HMGCLL1: variants seen among roughly 807,000 people sequenced by gnomAD.
HMGCLL1 encodes the protein 3-hydroxy-3-methylglutaryl-CoA lyase like 1, also known as 3-hydroxymethyl-3-methylglutaryl-CoA lyase, cytoplasmic.
A neutral mutation model predicts 39.1 loss-of-function variants in HMGCLL1; 36 were observed. The ratio of observed to expected loss-of-function variants is 0.92; its 90% CI spans 0.71 to 1.22. The LOEUF is 1.22. Ranked by LOEUF, HMGCLL1 falls within the 50% of genes most tolerant of loss-of-function variation. HMGCLL1 has a pLI of 0.00. For synonymous variants in HMGCLL1, 149 were observed against 144.0 expected (o/e 1.03, Z -0.25); for missense variants, 451 against 416.5 (o/e 1.08, Z -0.72).
At chr6:55,566,639 G>C (rs1281787967) in intron 1 of HMGCLL1, 1 of 455,946 alleles carries the variant, frequency 2.2e-6, no homozygotes, top group Non-Finnish European at 4.4e-6. Context: ...CTGTAAAATA[G>C]AGTCATGTGA....
chr6:55,559,139 G>A (rs1431970695), intron 1 of HMGCLL1, among the ~76,000 whole-genome samples: 1 of 152,118 alleles, frequency 6.6e-6, no homozygotes, highest in Non-Finnish European at 1.5e-5. Context: ...CAGGAGGAGA[G>A]TTATTGAAAT....
chr6:55,496,470 G>A (rs1259405859), intron 6 of HMGCLL1, among the ~76,000 whole-genome samples: 3 of 152,078 alleles, frequency 2.0e-5, no homozygotes, highest in Non-Finnish European at 2.9e-5. Flanking sequence ...GCCACCTCCT[G>A]TTGCTATTCC....
the HMGCLL1 span, among the ~76,000 whole-genome samples, chr6:55,668,899 A>T: frequency 6.6e-6 from 1 of 151,692 alleles, no homozygotes; most frequent in Non-Finnish European, 1.5e-5. Context: ...AGGGTATACA[A>T]CTCCAGGGAG....
chr6:55,651,464 A>T, the HMGCLL1 span, among the ~76,000 whole-genome samples: 1 of 152,128 alleles, frequency 6.6e-6, no homozygotes, highest in Non-Finnish European at 1.5e-5. Flanking sequence ...AAGATACAAG[A>T]CAAAGTCCTC....
At chr6:55,514,377 G>A (rs968276092) in intron 4 of HMGCLL1, among the ~76,000 whole-genome samples, 181 bp from the exon 5 acceptor site, 22 of 152,050 alleles carry the variant, frequency 1.4e-4, no homozygotes, top group African/African-American at 5.1e-4. Flanking sequence ...AAAATATTTT[G>A]TAATAACAGA....
the HMGCLL1 span, among the ~76,000 whole-genome samples, chr6:55,612,105 A>G: frequency 6.6e-6 from 1 of 152,196 alleles, no homozygotes; most frequent in Non-Finnish European, 1.5e-5. Context: ...GCAAAGTCTC[A>G]GGATAAGAAA....
intron 7 of HMGCLL1, among the ~76,000 whole-genome samples, chr6:55,469,627 T>G (rs1293680890): frequency 6.6e-6 from 1 of 151,036 alleles, no homozygotes; most frequent in Non-Finnish European, 1.5e-5. Context: ...GAAGAGAGGA[T>G]GAGGAAAGAG....
At chr6:55,643,730 T>C in the HMGCLL1 span, among the ~76,000 whole-genome samples, 1 of 152,142 alleles carries the variant, frequency 6.6e-6, no homozygotes, top group East Asian at 1.9e-4. Flanking sequence ...TGTGCCTGGC[T>C]TATTTCACTT....
chr6:55,489,325 G>A (rs578188798), intron 7 of HMGCLL1, among the ~76,000 whole-genome samples: 3 of 151,858 alleles, frequency 2.0e-5, no homozygotes, highest in Non-Finnish European at 2.9e-5. Flanking sequence ...TTGAAAACAA[G>A]ATTAATAAGA....
intron 5 of HMGCLL1, among the ~76,000 whole-genome samples, chr6:55,503,024 G>A (rs1007538064): frequency 4.6e-5 from 7 of 151,418 alleles, no homozygotes; most frequent in African/African-American, 1.7e-4. Flanking sequence ...AAGTTAGCTT[G>A]TTTTCTCATG....
chr6:55,492,474 G>A (rs1766366193), intron 7 of HMGCLL1, among the ~76,000 whole-genome samples: 1 of 152,188 alleles, frequency 6.6e-6, no homozygotes, highest in East Asian at 1.9e-4. Flanking sequence ...AGTACCACAT[G>A]TGGCTGTTTT....
the HMGCLL1 span, among the ~76,000 whole-genome samples, chr6:55,626,765 TG>T: frequency 1.3e-5 from 2 of 152,010 alleles, no homozygotes; most frequent in Non-Finnish European, 2.9e-5. Flanking sequence ...AAGTTAAGAT[TG>T]CCACCTGGAC....
chr6:55,494,256 T>C (rs1014141783), intron 7 of HMGCLL1, among the ~76,000 whole-genome samples: 1 of 152,166 alleles, frequency 6.6e-6, no homozygotes, highest in African/African-American at 2.4e-5. Context: ...ATAAATATGC[T>C]ACACAAATAA....
At chr6:55,651,698 A>C in the HMGCLL1 span, among the ~76,000 whole-genome samples, 1 of 151,980 alleles carries the variant, frequency 6.6e-6, no homozygotes, top group Non-Finnish European at 1.5e-5. Context: ...CTGTCCTTTA[A>C]GTTTACCTAG....
chr6:55,529,844 C>T (rs1768544447), intron 3 of HMGCLL1, among the ~76,000 whole-genome samples: 1 of 152,000 alleles, frequency 6.6e-6, no homozygotes, highest in African/African-American at 2.4e-5. Flanking sequence ...CAACAGAGAA[C>T]TCAATACAGT....
chr6:55,529,953 T>C (rs1484073642), intron 3 of HMGCLL1, among the ~76,000 whole-genome samples: 1 of 151,306 alleles, frequency 6.6e-6, no homozygotes, highest in Non-Finnish European at 1.5e-5. Context: ...AATCATATCA[T>C]ACATGAGTAA....
chr6:55,500,161 G>A (rs901991441), intron 5 of HMGCLL1, among the ~76,000 whole-genome samples: 8 of 151,954 alleles, frequency 5.3e-5, no homozygotes, highest in South Asian at 2.1e-4. Context: ...GCTGGAGATC[G>A]AATATGGGGG....
chr6:55,581,654 G>A (rs191981350), upstream of HMGCLL1, among the ~76,000 whole-genome samples: 178 of 152,024 alleles, frequency 1.2e-3, no homozygotes, highest in Admixed American at 2.3e-3. Context: ...GTTTGTGGAA[G>A]GTTCTATAGT....
At chr6:55,468,786 T>C (rs1764902926) in intron 7 of HMGCLL1, among the ~76,000 whole-genome samples, 1 of 151,940 alleles carries the variant, frequency 6.6e-6, no homozygotes, top group African/African-American at 2.4e-5. Context: ...GTAACTACTA[T>C]GCTACACTCT....
Sources: allele counts gnomAD v4.1 joint callset (sites outside exome capture counted in the v4.1 genomes callset), GRCh38; gene constraint gnomAD v4.1.1; transcripts MANE v1.5; gene names NCBI Gene and HGNC (gene_info 2026-07-23, HGNC 2026-07-21).